The following NUP160 variants were observed in gnomAD, a reference collection of about 807,000 sequenced individuals.
NUP160 encodes the protein nuclear pore complex protein Nup160.
NUP160 carries 94 observed loss-of-function variants against 196.9 expected under a neutral mutation model. The observed-to-expected ratio is 0.48, with a 90% CI of 0.40 to 0.57. The LOEUF (loss-of-function observed/expected upper bound fraction) is 0.57. NUP160 is among the 20% of genes least tolerant of loss of function. The pLI is 0.00. For synonymous variants in NUP160, 605 were observed against 619.7 expected, an observed-to-expected ratio of 0.98 and a Z score of 0.35; for missense variants, 1,638 against 1,748.3, an observed-to-expected ratio of 0.94 and a Z score of 1.13.
Position 47,834,334 on chromosome 11 carries a change from G to C in NUP160, c.1101+1317C>G, listed in dbSNP as rs186779766. Among the ~76,000 whole-genome samples the C allele has an allele frequency of 9.2e-5, 14 of 152,050 alleles. No homozygotes were observed. In the East Asian group the frequency reaches 2.7e-3, roughly 29 times the overall value. ...GAAGGAACTAAGGAAGTTAGAGCAG[G>C]GTCAATTCTCCTACCACCCACAACC... is the stretch of plus-strand genomic sequence containing the variant. On this transcript the variant is annotated intron_variant, in intron 7 of 35. Coordinates refer to ENST00000378460, the Ensembl canonical transcript of NUP160.
Position 47,824,008 on chromosome 11 carries a change from C to CATAT in NUP160, c.1102-1848_1102-1845dup, listed in dbSNP as rs58246222. 6.9e-3 allele frequency among the ~76,000 whole-genome samples: 505 copies of CATAT among 73,012 alleles called. 3 individuals are homozygous for CATAT. Among genetic ancestry groups the CATAT allele is most frequent in the East Asian group, 0.016 (28 of 1,722 alleles). The allele number at this position is 73,012 out of a possible 152,430, so 47.9% of individuals were successfully genotyped here. Reference sequence around the variant, plus strand: ...TGAGACCCTGCTTTCAATTCTTTTGCATATATATATATATATATATATATA... The same window carrying CATAT: ...TGAGACCCTGCTTTCAATTCTTTTGCATATATATATATATATATATATATATATA... On this transcript the variant is annotated intron_variant, in intron 7 of 35. Transcript: ENST00000378460.
At chr11:47,812,014 G>C (rs370803389) in intron 17 of NUP160, 50 bp downstream of exon 17, 17 of 1,572,754 alleles carry the variant, frequency 1.1e-5, no homozygotes, top group Admixed American at 5.0e-5. Context: ...GTGCTTGTAG[G>C]CCTATAACAG....
exon 31 of NUP160, chr11:47,788,183 T>C: frequency 2.5e-6 from 4 of 1,611,438 alleles, no homozygotes; most frequent in Non-Finnish European, 3.4e-6. Context: ...TATACATACT[T>C]GAAGGCAAGC....
exon 24 of NUP160, chr11:47,798,381 T>C (rs776871197): frequency 1.2e-6 from 2 of 1,609,000 alleles, no homozygotes; most frequent in South Asian, 1.1e-5. Flanking sequence ...ACTTTTCCAG[T>C]CATCACCTGC....
intron 2 of NUP160, among the ~76,000 whole-genome samples, chr11:47,843,499 A>G (rs1852344995): frequency 6.6e-6 from 1 of 152,106 alleles, no homozygotes; most frequent in Non-Finnish European, 1.5e-5. Flanking sequence ...ATTTTTCTAA[A>G]TGTTGGTGTG....
intron 2 of NUP160, among the ~76,000 whole-genome samples, chr11:47,843,848 A>T (rs941298530): frequency 7.2e-5 from 11 of 152,222 alleles, no homozygotes; most frequent in African/African-American, 2.4e-4. Flanking sequence ...CACAATCTGT[A>T]TCTTTAGCCC....
rs899174715 is a variant in NUP160 at position 47,843,904 on chromosome 11, A to G, written c.315-3316T>C. Among the ~76,000 whole-genome samples, 11 of 152,316 alleles carry G rather than the reference A, an allele frequency of 7.2e-5. No individual in the cohort carries two copies. In the South Asian group the frequency reaches 1.2e-3, roughly 17 times the overall value. On this transcript the variant is annotated intron_variant, in intron 2 of 35. Coordinates refer to ENST00000378460, the Ensembl canonical transcript of NUP160. ...GACTACTGTCTCAACACTCACTTGG[A>G]TATCTATCAGGCATCTCAGATTACA...
chr11:47,792,744 C>A, intron 28 of NUP160, 42 bp downstream of exon 28: 2 of 1,548,912 alleles, frequency 1.3e-6, no homozygotes, highest in South Asian at 1.2e-5. Flanking sequence ...TTTACTTGTT[C>A]CAGGATGAAC....
intron 23 of NUP160, among the ~76,000 whole-genome samples, chr11:47,799,894 A>G (rs1322416218): frequency 6.6e-6 from 1 of 152,210 alleles, no homozygotes; most frequent in Non-Finnish European, 1.5e-5. Flanking sequence ...TAGCCACCGC[A>G]TGTATCGCTC....
At chr11:47,836,492 T>C (rs1337069154) in intron 6 of NUP160, among the ~76,000 whole-genome samples, 1 of 152,076 alleles carries the variant, frequency 6.6e-6, no homozygotes, top group African/African-American at 2.4e-5. Context: ...CGTGCCCCTG[T>C]AGTCCCAGCT....
chr11:47,821,953 T>A lies in NUP160; in HGVS notation c.1180-132A>T, dbSNP rs1015483465. ...ATGGTACCACATGAATTTGGTAAAG[T>A]CTAAATGAAATTTTGTTCCATATAT... is the stretch of plus-strand genomic sequence containing the variant. On this transcript the variant is annotated intron_variant, in intron 8 of 35. Transcript: ENST00000378460. 7.1e-6 allele frequency: 7 copies of A among 987,960 alleles called. No individual in the cohort carries two copies. The African/African-American group carries it at 1.1e-4, about 16-fold the overall frequency. The allele number at this position is 987,960 out of a possible 1,614,324, so 61.2% of individuals were successfully genotyped here. A position where few individuals can be genotyped will look rare whatever the true frequency, so the allele number is the denominator to read the frequency against.
chr11:47,812,157 C>G, exon 17 of NUP160: 1 of 1,614,120 alleles, frequency 6.2e-7, no homozygotes, highest in Non-Finnish European at 8.5e-7. Context: ...CCCCTCTGCA[C>G]ACAATATACC....
At chr11:47,803,366 G>C in intron 22 of NUP160, 72 bp downstream of exon 22, 1 of 909,302 alleles carries the variant, frequency 1.1e-6, no homozygotes, top group Non-Finnish European at 1.8e-6. Flanking sequence ...CTAAAACCTA[G>C]TCAAATGGAA....
intron 31 of NUP160, 37 bp from the exon 32 acceptor site, chr11:47,786,591 G>A (rs775230267): frequency 1.4e-5 from 17 of 1,253,948 alleles, no homozygotes; most frequent in African/African-American, 2.9e-5. Flanking sequence ...AAAACTGAAC[G>A]CTGAAACGTA....
chr11:47,848,127 G>A (rs1318488078), intron 1 of NUP160, 92 bp downstream of exon 1: 15 of 1,454,198 alleles, frequency 1.0e-5, no homozygotes, highest in African/African-American at 1.4e-5. Context: ...TGTGGACTCA[G>A]GAGGATGAAA....
At chr11:47,805,564 C>T (rs2097677041) in intron 20 of NUP160, among the ~76,000 whole-genome samples, 1 of 151,702 alleles carries the variant, frequency 6.6e-6, no homozygotes, top group Non-Finnish European at 1.5e-5. Context: ...CCTGCCTCAG[C>T]TTCCAAGTAG....
At chr11:47,816,093 T>G in intron 11 of NUP160, 64 bp from the exon 12 acceptor site, 1 of 1,107,174 alleles carries the variant, frequency 9.0e-7, no homozygotes, top group Non-Finnish European at 1.4e-6. Flanking sequence ...AACGTTTCAG[T>G]TTAGAAGACA....
exon 26 of NUP160, chr11:47,798,040 G>C: frequency 1.3e-6 from 2 of 1,579,582 alleles, no homozygotes; most frequent in Non-Finnish European, 1.7e-6. Flanking sequence ...CGTTCACAAA[G>C]AACTACCACC....
chr11:47,816,949 C>A (rs892458948), intron 11 of NUP160, among the ~76,000 whole-genome samples: 3 of 150,566 alleles, frequency 2.0e-5, no homozygotes, highest in Non-Finnish European at 4.4e-5. Context: ...CAGCCAGAAG[C>A]CTTTGTAACC....
Sources: allele counts gnomAD v4.1 joint callset (sites outside exome capture counted in the v4.1 genomes callset), GRCh38; gene constraint gnomAD v4.1.1; transcripts MANE v1.5; gene names NCBI Gene and HGNC (gene_info 2026-07-23, HGNC 2026-07-21).